The following BRD7 variants were observed in gnomAD, a reference collection of about 807,000 sequenced individuals.
BRD7 encodes bromodomain containing 7, also known as bromodomain-containing protein 7.
Under a neutral mutation model 82.1 loss-of-function variants are expected in BRD7, and 15 were observed. That is an observed-to-expected ratio of 0.18 (90% CI 0.12 to 0.28). The LOEUF (loss-of-function observed/expected upper bound fraction) is 0.28. BRD7 is among the 10% of genes least tolerant of loss of function. The pLI is 1.00. For missense variants in BRD7, 638 were observed against 779.9 expected, an observed-to-expected ratio of 0.82 and a Z score of 2.17; for synonymous variants, 232 against 266.9, an observed-to-expected ratio of 0.87 and a Z score of 1.27.
intron 3 of BRD7, 146 bp downstream of exon 3, chr16:50,354,647 A>C: frequency 2.4e-6 from 3 of 1,268,018 alleles, no homozygotes; most frequent in Non-Finnish European, 3.3e-6. Flanking sequence ...ATTGAAGCTA[A>C]TTTAAAGCTC....
chr16:50,360,151 G>C (rs1195942446), intron 2 of BRD7, among the ~76,000 whole-genome samples: 1 of 152,168 alleles, frequency 6.6e-6, no homozygotes, highest in Non-Finnish European at 1.5e-5. Context: ...AGCTCCCTCT[G>C]GACAGTGGTC....
At chr16:50,336,371 G>A (rs1434496840) in intron 6 of BRD7, among the ~76,000 whole-genome samples, 1 of 152,182 alleles carries the variant, frequency 6.6e-6, no homozygotes, top group African/African-American at 2.4e-5. Flanking sequence ...CTGCTTTCCA[G>A]AAAAGGTATA....
At chr16:50,337,931 T>C (rs1008183331) in intron 6 of BRD7, among the ~76,000 whole-genome samples, 2 of 152,006 alleles carry the variant, frequency 1.3e-5, no homozygotes, top group South Asian at 4.2e-4. Context: ...GAAGGGAAAG[T>C]GAAGAAAATT....
chr16:50,365,930 A>C (rs2039125145), intron 2 of BRD7, among the ~76,000 whole-genome samples: 1 of 152,216 alleles, frequency 6.6e-6, no homozygotes, highest in Admixed American at 6.5e-5. Context: ...ACAGCTCTGA[A>C]CTGAAGGCAC....
chr16:50,352,106 C>CTA (rs2038549382), intron 4 of BRD7, among the ~76,000 whole-genome samples: 1 of 152,218 alleles, frequency 6.6e-6, no homozygotes, highest in Non-Finnish European at 1.5e-5. Context: ...GTTCTACTCT[C>CTA]TACTTCTATG....
chr16:50,357,325 A>G (rs570759216), intron 2 of BRD7, among the ~76,000 whole-genome samples: 11 of 152,224 alleles, frequency 7.2e-5, no homozygotes, highest in African/African-American at 2.6e-4. Context: ...TACAGAATAT[A>G]TGGTTGTTTT....
In BRD7 at chr16:50,318,920, C is replaced by T. The variant is rs866563440; in HGVS notation, c.*291G>A. ...TCACTGGATGGGGCCGTTTTAAGAA[C>T]GCTTCTTAGTGATGATCCTGTCTGT... On this transcript the variant is annotated 3_prime_UTR_variant, in exon 17 of 17. Transcript: ENST00000394688. 6.9e-5 allele frequency: 20 copies of T among 289,492 alleles called. No individual in the cohort carries two copies. The highest frequency in any genetic ancestry group is 9.9e-4 in the Middle Eastern group (1 of 1,014). The allele number at this position is 289,492 out of a possible 1,614,324, so 17.9% of individuals were successfully genotyped here. A position where few individuals can be genotyped will look rare whatever the true frequency, so the allele number is the denominator to read the frequency against.
At chr16:50,365,303 C>G (rs998374318) in intron 2 of BRD7, among the ~76,000 whole-genome samples, 1 of 152,172 alleles carries the variant, frequency 6.6e-6, no homozygotes, top group African/African-American at 2.4e-5. Context: ...TCTGGAGAAA[C>G]TAAAAATCCC....
At chr16:50,335,110 C>CT in intron 6 of BRD7, among the ~76,000 whole-genome samples, 1 of 152,260 alleles carries the variant, frequency 6.6e-6, no homozygotes, top group Middle Eastern at 3.4e-3. Flanking sequence ...TCATAGAAAG[C>CT]TTTACAACTT....
At chr16:50,365,362 T>C (rs2039100933) in intron 2 of BRD7, among the ~76,000 whole-genome samples, 1 of 152,184 alleles carries the variant, frequency 6.6e-6, no homozygotes, top group Non-Finnish European at 1.5e-5. Flanking sequence ...TTCACCAAAA[T>C]GACTGAGTCC....
At chr16:50,320,898 T>G in intron 13 of BRD7, 124 bp from the exon 14 acceptor site, 1 of 686,330 alleles carries the variant, frequency 1.5e-6, no homozygotes, top group Non-Finnish European at 2.6e-6. Flanking sequence ...TATGGAGTCC[T>G]AATTTTGATG....
At position 50,317,917 on chromosome 16, in the gene BRD7, C is replaced by G. The variant is rs2036886622; in HGVS notation, c.*1294G>C. Reference sequence around the variant, plus strand: ...CCTAACAAACAAACAAACAAACAAACAGAAGAGAAGATCATTAACCACTGT... The same window carrying G: ...CCTAACAAACAAACAAACAAACAAAGAGAAGAGAAGATCATTAACCACTGT... On this transcript the variant is annotated 3_prime_UTR_variant, in exon 17 of 17. Coordinates refer to ENST00000394688, the MANE Select transcript of BRD7 (RefSeq NM_013263.5). 6.6e-6 allele frequency: 1 copy of G among 151,018 alleles called. No homozygotes were observed. Among genetic ancestry groups the G allele is most frequent in the Non-Finnish European group, 1.5e-5 (1 of 67,472 alleles). The allele number at this position is 151,018 out of a possible 1,614,324, so 9.4% of individuals were successfully genotyped here. A position where few individuals can be genotyped will look rare whatever the true frequency, so the allele number is the denominator to read the frequency against.
chr16:50,345,852 C>T (rs1057495503), intron 5 of BRD7, among the ~76,000 whole-genome samples: 1 of 139,418 alleles, frequency 7.2e-6, no homozygotes, highest in African/African-American at 2.8e-5. Flanking sequence ...CAACATTAGA[C>T]AGATCGACGA....
chr16:50,356,748 A>ACG (rs1772758817), intron 2 of BRD7, among the ~76,000 whole-genome samples: 1 of 151,718 alleles, frequency 6.6e-6, no homozygotes. Flanking sequence ...ATACACACAC[A>ACG]CACACACATA....
intron 5 of BRD7, chr16:50,349,380 G>T: frequency 3.0e-6 from 1 of 335,690 alleles, no homozygotes; most frequent in Non-Finnish European, 5.6e-6. Context: ...ATGTACCCTA[G>T]AACTTAAATT....
intron 2 of BRD7, among the ~76,000 whole-genome samples, chr16:50,364,413 C>A (rs1227347355): frequency 6.6e-6 from 1 of 152,158 alleles, no homozygotes; most frequent in Non-Finnish European, 1.5e-5. Context: ...TCCCTGCTTC[C>A]CTGGTCTAGC....
intron 4 of BRD7, among the ~76,000 whole-genome samples, chr16:50,351,047 C>T (rs1028566963): frequency 1.3e-5 from 2 of 152,086 alleles, no homozygotes; most frequent in African/African-American, 4.8e-5. Context: ...TTTTTTCCCT[C>T]TGGAAATCTG....
In BRD7 at chr16:50,319,203, A is replaced by G; in HGVS notation, c.*8T>C. On this transcript the variant is annotated 3_prime_UTR_variant, in exon 17 of 17. Transcript: ENST00000394688. ...TGTACATAATATATAATCAAATACC[A>G]GGCAGCCTCAACTTCCACCAGGTCC... 1 of 1,608,714 alleles carries G rather than the reference A, an allele frequency of 6.2e-7. No individual in the cohort carries two copies. The highest frequency in any genetic ancestry group is 8.5e-7 in the Non-Finnish European group (1 of 1,176,166).
At chr16:50,363,724 C>T (rs958515727) in intron 2 of BRD7, among the ~76,000 whole-genome samples, 1 of 151,864 alleles carries the variant, frequency 6.6e-6, no homozygotes, top group African/African-American at 2.4e-5. Context: ...TAACAGATTC[C>T]TAATTTTTAG....
Sources: allele counts gnomAD v4.1 joint callset (sites outside exome capture counted in the v4.1 genomes callset), GRCh38; gene constraint gnomAD v4.1.1; transcripts MANE v1.5; gene names NCBI Gene and HGNC (gene_info 2026-07-23, HGNC 2026-07-21).